ATP1A3: variants seen among roughly 807,000 people sequenced by gnomAD.
ATP1A3 encodes the protein ATPase Na+/K+ transporting subunit alpha 3, also known as sodium/potassium-transporting ATPase subunit alpha-3.
ATP1A3 carries 12 observed loss-of-function variants against 108.8 expected under a neutral mutation model. The ratio of observed to expected loss-of-function variants is 0.11; its 90% CI spans 0.07 to 0.18. The LOEUF is 0.18. Among genes scored for constraint, ATP1A3 ranks in the 10% least tolerant of loss-of-function variants. The probability of loss-of-function intolerance (pLI) is 1.00; values close to 1 mark genes in which losing one functional copy is unlikely to be tolerated. For synonymous variants in ATP1A3, 539 were observed against 564.5 expected (o/e 0.95, Z 0.64); for missense variants, 498 against 1,387.7 (o/e 0.36, Z 10.19).
chr19:41,972,804 GGGAAGGAAGGAAGGAA>G lies in ATP1A3; in HGVS notation c.2264-2278_2264-2263del, dbSNP rs782125486. ...GGGGAGGGGGAAGGAAGGAAGGAAG[GGGAAGGAAGGAAGGAA>G]GGAAGGAAGGAAGGAAGGAAGGAAG... On this transcript the variant is annotated intron_variant, in intron 16 of 22. Coordinates refer to ENST00000648268, the MANE Select transcript of ATP1A3 (RefSeq NM_152296.5). Among the ~76,000 whole-genome samples the G allele has an allele frequency of 9.7e-3, 724 of 74,910 alleles. 10 individuals carry two copies. The highest frequency in any genetic ancestry group is 0.032 in the African/African-American group (601 of 19,066). 49.1% of individuals were successfully genotyped at this position (74,910 alleles called of 152,430 possible). A position where few individuals can be genotyped will look rare whatever the true frequency, so the allele number is the denominator to read the frequency against.
At chr19:41,993,482 C>T (rs1348833459) in intron 1 of ATP1A3, 3 of 1,516,448 alleles carry the variant, frequency 2.0e-6, no homozygotes, top group Non-Finnish European at 2.6e-6. Flanking sequence ...CAGCCCCAGG[C>T]TGCGACACTG....
Position 41,985,182 on chromosome 19 carries a change from C to T in ATP1A3, c.729G>A (p.Thr243=), listed in dbSNP as rs374578592. The change falls in exon 8 of 23, where the codon ACG becomes ACA. Residue 243 remains threonine, a synonymous_variant. Transcript: ENST00000648268. This position sits in a 1 kb window ranked among gnomAD's most constrained non-coding sequence, Gnocchi z 8.2. ...CCGTGGCCACCACCACGCCCCGAGC[C>T]GTGCCTGCAGGCCAGAGGGGTTAGG... The part of the protein sequence containing the change: ...TFFSTNCVEG[T]ARGVVVATGD... 1.1e-5 allele frequency: 18 copies of T among 1,613,514 alleles called. No individual in the cohort carries two copies. Among genetic ancestry groups the T allele is most frequent in the South Asian group, 7.7e-5 (7 of 91,034 alleles).
At chr19:41,986,739 ATTTT>A (rs11287033) in intron 4 of ATP1A3, 202 of 96,654 alleles carry the variant, frequency 2.1e-3, no homozygotes, top group South Asian at 6.0e-3. Context: ...CTTTCCTGGC[ATTTT>A]TTTTTTTTTT....
chr19:41,987,884 G>C (rs1555865947), intron 4 of ATP1A3, 52 bp downstream of exon 4: 2 of 1,598,010 alleles, frequency 1.3e-6, no homozygotes, highest in African/African-American at 2.7e-5. Context: ...GGGGTGCGGT[G>C]TCCGTAAATA....
In ATP1A3 at chr19:41,966,885, G is replaced by A. The variant is rs370433301; in HGVS notation, c.*52C>T. On this transcript the variant is annotated 3_prime_UTR_variant, in exon 23 of 23. Transcript: ENST00000648268. ...CAAAATTGGGGGGACTGACAGGGGC[G>A]GTCCTGGGCCTGGGGGACGGGGAAG... 143 of 1,550,646 alleles carry A rather than the reference G, an allele frequency of 9.2e-5. No homozygotes were observed. The highest frequency in any genetic ancestry group is 1.7e-4 in the Middle Eastern group (1 of 5,958).
intron 1 of ATP1A3, among the ~76,000 whole-genome samples, chr19:41,989,526 AG>A (rs2075316795): frequency 6.6e-6 from 1 of 151,528 alleles, no homozygotes; most frequent in African/African-American, 2.4e-5. Flanking sequence ...TCACTGTGTT[AG>A]CCAGGATGGT....
chr19:41,970,350 C>T, intron 17 of ATP1A3, 38 bp downstream of exon 17: 1 of 1,613,642 alleles, frequency 6.2e-7, no homozygotes, highest in Non-Finnish European at 8.5e-7. Context: ...GGGAGGACTC[C>T]ACCCTCCTGG....
intron 1 of ATP1A3, among the ~76,000 whole-genome samples, chr19:41,991,749 C>G (rs1555867472): frequency 6.6e-6 from 1 of 151,488 alleles, no homozygotes; most frequent in Admixed American, 6.6e-5. Flanking sequence ...ATCCCTGGGT[C>G]TGAGGGAGGA....
At chr19:41,984,864 C>A in intron 8 of ATP1A3, 54 bp downstream of exon 8, 1 of 1,570,778 alleles carries the variant, frequency 6.4e-7, no homozygotes, top group Non-Finnish European at 8.6e-7. Context: ...CCCTCAGACC[C>A]AGGAGCCCAG....
intron 15 of ATP1A3, among the ~76,000 whole-genome samples, chr19:41,976,152 C>A (rs1377731819): frequency 7.0e-6 from 1 of 143,494 alleles, no homozygotes; most frequent in African/African-American, 2.6e-5. Context: ...ACCCCCTCCT[C>A]CCTCAGACCC....
At position 41,970,234 on chromosome 19, in the gene ATP1A3, C is replaced by G. The variant is rs374157034; in HGVS notation, c.2493G>C (p.Thr831=). The change falls in exon 18 of 23, where the codon ACG becomes ACC. Residue 831 remains threonine, a synonymous_variant. Transcript: ENST00000648268. ...IMKRQPRNPR[T]DKLVNERLIS... ...TGAGTCTCTCATTGACCAATTTGTC[C>G]GTCCGCGGGTTCCTGGGCTGTCTCT... The G allele has an allele frequency of 1.8e-5, 29 of 1,614,092 alleles. No individual in the cohort carries two copies. The highest frequency in any genetic ancestry group is 1.0e-4 in the Admixed American group (6 of 60,006).
intron 8 of ATP1A3, among the ~76,000 whole-genome samples, chr19:41,982,486 C>T (rs2075244074): frequency 6.6e-6 from 1 of 152,026 alleles, no homozygotes. Context: ...ATTAGCAGGG[C>T]ATGATGGTAC....
chr19:41,970,766 G>A (rs1555859695), intron 16 of ATP1A3, among the ~76,000 whole-genome samples: 1 of 150,798 alleles, frequency 6.6e-6, no homozygotes, highest in Admixed American at 6.6e-5. Context: ...CGAGTAGCTG[G>A]CACTACAGGC....
intron 19 of ATP1A3, 137 bp from the exon 20 acceptor site, chr19:41,969,052 G>A: frequency 1.5e-6 from 2 of 1,326,444 alleles, no homozygotes; most frequent in Non-Finnish European, 2.1e-6. Context: ...TCTTCCTTCT[G>A]CGGGCTCATA....
chr19:41,993,022 A>T (rs1555867948), intron 1 of ATP1A3: 1 of 3,342 alleles, frequency 3.0e-4, no homozygotes. Context: ...ACCCTGCCCC[A>T]CCCCACAGAT....
intron 19 of ATP1A3, 107 bp from the exon 20 acceptor site, chr19:41,969,022 T>A (rs2075074196): frequency 6.6e-7 from 1 of 1,511,208 alleles, no homozygotes; most frequent in African/African-American, 1.4e-5. Context: ...CTGCATGGGG[T>A]CCTCAGGGCC....
intron 16 of ATP1A3, among the ~76,000 whole-genome samples, chr19:41,972,052 C>A (rs1048646294): frequency 6.6e-6 from 1 of 152,066 alleles, no homozygotes; most frequent in Non-Finnish European, 1.5e-5. Context: ...GAGTTCAAGA[C>A]CAGCCTGGCC....
intron 16 of ATP1A3, among the ~76,000 whole-genome samples, chr19:41,972,114 G>C (rs1336706009): frequency 6.6e-6 from 1 of 152,082 alleles, no homozygotes; most frequent in Non-Finnish European, 1.5e-5. Context: ...GCTGGGCGTG[G>C]TGGTGGGCAC....
intron 1 of ATP1A3, among the ~76,000 whole-genome samples, chr19:41,992,528 C>T (rs1022815545): frequency 5.3e-5 from 8 of 152,226 alleles, no homozygotes; most frequent in Middle Eastern, 3.4e-3. Flanking sequence ...TCTGACCATC[C>T]CTCCCTTGAC....
Sources: gnomAD v4.1 joint callset for allele counts (sites outside exome capture counted in the v4.1 genomes callset) on GRCh38, gnomAD v4.1.1 for gene constraint, Gnocchi (gnomAD v3.1) non-coding constraint, MANE v1.5 for transcripts, NCBI Gene and HGNC (gene_info 2026-07-23, HGNC 2026-07-21) for gene names.